CATSPERD: variants seen among roughly 807,000 people sequenced by gnomAD.
The protein encoded by CATSPERD is catsper channel auxiliary subunit delta.
CATSPERD carries 86 observed loss-of-function variants against 98.1 expected under a neutral mutation model. The observed-to-expected ratio is 0.88, with a 90% CI of 0.74 to 1.05. CATSPERD has a LOEUF of 1.05. CATSPERD is among the 50% of genes least tolerant of loss of function. CATSPERD has a pLI of 0.00. For missense variants in CATSPERD, 995 were observed against 1,005.7 expected (o/e 0.99, Z 0.14); for synonymous variants, 394 against 390.2 (o/e 1.01, Z -0.12).
intron 12 of CATSPERD, among the ~76,000 whole-genome samples, chr19:5,752,640 A>G (rs2056242611): frequency 6.6e-6 from 1 of 152,152 alleles, no homozygotes; most frequent in South Asian, 2.1e-4. Context: ...CCAGAAATAC[A>G]AAAGACAGAG....
Position 5,765,963 on chromosome 19 carries a change from G to A in CATSPERD, c.1507-140G>A, listed in dbSNP as rs746208140. On this transcript the variant is annotated intron_variant, in intron 16 of 21. Transcript: ENST00000381624. ...CAGCTGCAGTTACGGTGCATCCCAG[G>A]CATCCAGGGACACGCTGTTGGGATC... 120 of 510,624 alleles carry A rather than the reference G, an allele frequency of 2.4e-4. 1 individual carries two copies. The highest frequency in any genetic ancestry group is 1.0e-3 in the Admixed American group (28 of 26,924). 31.6% of individuals were successfully genotyped at this position (510,624 alleles called of 1,614,324 possible).
chr19:5,727,415 T>A, intron 3 of CATSPERD, 71 bp downstream of exon 3: 1 of 1,150,368 alleles, frequency 8.7e-7, no homozygotes, highest in Non-Finnish European at 1.3e-6. Context: ...ATTCATTCGT[T>A]CAACAAACAG....
intron 20 of CATSPERD, 95 bp downstream of exon 20, chr19:5,773,060 T>C: frequency 7.6e-7 from 1 of 1,319,742 alleles, no homozygotes; most frequent in African/African-American, 1.5e-5. Context: ...GAACTGAGTA[T>C]GGAATGAAAG....
At chr19:5,769,973 C>T (rs1158423158) in intron 18 of CATSPERD, among the ~76,000 whole-genome samples, 1 of 151,624 alleles carries the variant, frequency 6.6e-6, no homozygotes, top group Admixed American at 6.6e-5. Context: ...CCTGTAGTCC[C>T]AGCTACTCAG....
chr19:5,747,887 C>T (rs571223226), intron 9 of CATSPERD, among the ~76,000 whole-genome samples: 2 of 152,306 alleles, frequency 1.3e-5, no homozygotes, highest in Non-Finnish European at 2.9e-5. Flanking sequence ...ACTGGGATTA[C>T]AGGTGTGCAC....
At chr19:5,770,815 C>T in intron 18 of CATSPERD, 129 bp from the exon 19 acceptor site, 13 of 1,124,098 alleles carry the variant, frequency 1.2e-5, no homozygotes, top group Admixed American at 2.4e-5. Flanking sequence ...AATCGCCCAC[C>T]TCAGATGCCA....
intron 19 of CATSPERD, 75 bp from the exon 20 acceptor site, chr19:5,772,713 C>A: frequency 6.6e-7 from 1 of 1,505,934 alleles, no homozygotes; most frequent in South Asian, 1.3e-5. Context: ...TTGCAGCCGT[C>A]CAGGTGGCTG....
intron 15 of CATSPERD, among the ~76,000 whole-genome samples, chr19:5,762,060 T>TATATATATA (rs1568367069): frequency 2.5e-4 from 3 of 12,088 alleles, no homozygotes; most frequent in Admixed American, 1.1e-3. Context: ...ATATATATAT[T>TATATATATA]TTTTTTTTTT....
chr19:5,770,071 A>AAGAAT (rs2056616595), intron 18 of CATSPERD, among the ~76,000 whole-genome samples: 2 of 147,916 alleles, frequency 1.4e-5, no homozygotes, highest in African/African-American at 5.0e-5. Flanking sequence ...CCTGGGCAAC[A>AAGAAT]GAGCGAGACT....
chr19:5,750,849 T>G (rs1191704000), intron 11 of CATSPERD, among the ~76,000 whole-genome samples: 1 of 152,054 alleles, frequency 6.6e-6, no homozygotes, highest in Non-Finnish European at 1.5e-5. Context: ...CTCCCTTCTT[T>G]CCTTTCTTCC....
Position 5,771,058 on chromosome 19 carries a change from GC to G in CATSPERD, c.1752del (p.Val585TrpfsTer23). 2 of 1,613,580 alleles carry G rather than the reference GC, an allele frequency of 1.2e-6. No individual in the cohort carries two copies. The highest frequency in any genetic ancestry group is 1.3e-5 in the African/African-American group (1 of 75,010). On this transcript the variant is annotated frameshift_variant, in exon 19 of 22. Coordinates refer to ENST00000381624, the MANE Select transcript of CATSPERD (RefSeq NM_152784.4). LOFTEE classifies it high-confidence loss of function. Reference sequence around the variant, plus strand: ...TCGTCTACTATGACACCCTATGGAAGCCCGTGGTGGAGCTGTAAGACCCCAG... The same window carrying G: ...TCGTCTACTATGACACCCTATGGAAGCCGTGGTGGAGCTGTAAGACCCCAG... ...LLVYYDTLWK[P>X]VVELWRKDSF...
intron 7 of CATSPERD, among the ~76,000 whole-genome samples, chr19:5,741,838 A>C (rs1353001961): frequency 7.5e-6 from 1 of 133,362 alleles, no homozygotes; most frequent in Non-Finnish European, 1.6e-5. Flanking sequence ...AAGACCAGCC[A>C]AGCCAACTTG....
chr19:5,744,629 C>A, intron 8 of CATSPERD, 119 bp downstream of exon 8: 1 of 576,926 alleles, frequency 1.7e-6, no homozygotes, highest in Non-Finnish European at 2.8e-6. Context: ...TAGACAGAGT[C>A]TCGCTCTGTC....
At chr19:5,724,751 G>T in intron 1 of CATSPERD, 57 bp from the exon 2 acceptor site, 4 of 1,542,298 alleles carry the variant, frequency 2.6e-6, no homozygotes, top group Non-Finnish European at 3.6e-6. Context: ...CTGAGTAGGA[G>T]GATTCATGCT....
chr19:5,775,757 G>A (rs1416862995), intron 20 of CATSPERD, among the ~76,000 whole-genome samples: 2 of 151,896 alleles, frequency 1.3e-5, no homozygotes, highest in Non-Finnish European at 2.9e-5. Flanking sequence ...ATTACTAATA[G>A]GCTTCAGATG....
chr19:5,773,680 C>T (rs2056690466), intron 20 of CATSPERD, among the ~76,000 whole-genome samples: 1 of 143,078 alleles, frequency 7.0e-6, no homozygotes, highest in African/African-American at 2.5e-5. Context: ...CCATGCCCAG[C>T]TAATTTTTGT....
chr19:5,771,894 A>C (rs2056650835), intron 19 of CATSPERD, among the ~76,000 whole-genome samples: 1 of 151,964 alleles, frequency 6.6e-6, no homozygotes, highest in Non-Finnish European at 1.5e-5. Context: ...TAAGGACACC[A>C]GTCTTATCAG....
In CATSPERD at chr19:5,763,198, G is replaced by A. The variant is rs757748907; in HGVS notation, c.1428-17G>A. 3.1e-6 allele frequency: 5 copies of A among 1,610,978 alleles called. No individual in the cohort carries two copies. The South Asian group carries it at 4.4e-5, about 14-fold the overall frequency. On this transcript the variant is annotated splice_polypyrimidine_tract_variant and intron_variant, in intron 15 of 21. Coordinates refer to ENST00000381624, the MANE Select transcript of CATSPERD (RefSeq NM_152784.4). ...GGGGTGCTATTCTCTAATAACACAG[G>A]TTCCGTTGCCTTGCAGTTTAAAGAA...
At chr19:5,748,139 A>G in intron 9 of CATSPERD, 21 bp from the exon 10 acceptor site, 1 of 1,603,584 alleles carries the variant, frequency 6.2e-7, no homozygotes, top group African/African-American at 1.3e-5. Flanking sequence ...GGCCTCATGC[A>G]CCTGTCCTGT....
Sources: allele counts gnomAD v4.1 joint callset (sites outside exome capture counted in the v4.1 genomes callset), GRCh38; gene constraint gnomAD v4.1.1; transcripts MANE v1.5; gene names NCBI Gene and HGNC (gene_info 2026-07-23, HGNC 2026-07-21).